The following RXFP1 variants were observed in gnomAD, a reference collection of about 807,000 sequenced individuals.
The protein encoded by RXFP1 is relaxin family peptide receptor 1.
In RXFP1, 73 loss-of-function variants were observed where a neutral mutation model predicts 89.8. That is an observed-to-expected ratio of 0.81 (90% CI 0.67 to 0.99). The LOEUF is 0.99. Among genes scored for constraint, RXFP1 ranks in the 50% least tolerant of loss-of-function variants. The probability of loss-of-function intolerance (pLI) is 0.00; values close to 1 mark genes in which losing one functional copy is unlikely to be tolerated. For missense variants in RXFP1, 793 were observed against 895.5 expected, an observed-to-expected ratio of 0.89 and a Z score of 1.46; for synonymous variants, 277 against 305.5, an observed-to-expected ratio of 0.91 and a Z score of 0.97.
chr4:158,618,420 A>G (rs1371558348), intron 9 of RXFP1, among the ~76,000 whole-genome samples: 1 of 152,108 alleles, frequency 6.6e-6, no homozygotes, highest in Non-Finnish European at 1.5e-5. Context: ...AATGATTAAG[A>G]TGTATTACTA....
intron 10 of RXFP1, 57 bp downstream of exon 10, chr4:158,626,948 A>T (rs12108317): frequency 0.16 from 147,954 of 930,088 alleles, 14,934 homozygotes; most frequent in African/African-American, 0.46. Context: ...AATAAAATTT[A>T]AAAACACCCA....
At chr4:158,644,350 A>T (rs1386265058) in intron 14 of RXFP1, among the ~76,000 whole-genome samples, 1 of 151,936 alleles carries the variant, frequency 6.6e-6, no homozygotes, top group Non-Finnish European at 1.5e-5. Flanking sequence ...CCAGCCTTGT[A>T]TGTCTTCTTT....
intron 1 of RXFP1, among the ~76,000 whole-genome samples, chr4:158,554,100 T>C (rs1443240444): frequency 2.0e-5 from 3 of 151,942 alleles, no homozygotes; most frequent in African/African-American, 7.3e-5. Context: ...CAAAAATGTC[T>C]CCAAACATTG....
chr4:158,527,564 A>AAAAAAAATAT (rs5741905), intron 1 of RXFP1, among the ~76,000 whole-genome samples: 1 of 98,328 alleles, frequency 1.0e-5, no homozygotes, highest in South Asian at 4.2e-4. Flanking sequence ...AAAAAAAAAA[A>AAAAAAAATAT]ATATATATAT....
chr4:158,524,219 G>A (rs1741894316), intron 1 of RXFP1, among the ~76,000 whole-genome samples: 1 of 152,162 alleles, frequency 6.6e-6, no homozygotes, highest in South Asian at 2.1e-4. Context: ...GCTAATAAAT[G>A]CCAAGATTGG....
chr4:158,650,058 T>C (rs1772354668), intron 17 of RXFP1, among the ~76,000 whole-genome samples: 2 of 152,340 alleles, frequency 1.3e-5, no homozygotes, highest in Non-Finnish European at 2.9e-5. Flanking sequence ...TATTTAGTCT[T>C]GTAAAGGAAG....
Position 158,576,587 on chromosome 4 carries a change from G to A in RXFP1, c.187+3752G>A, listed in dbSNP as rs565754607. ...CCTAAACCCAATGAGCAGAAAATCA[G>A]GAATGCATGCAAAATGGTAGCAACA... On this transcript the variant is annotated intron_variant, in intron 2 of 17. Transcript: ENST00000307765. 1.1e-4 allele frequency among the ~76,000 whole-genome samples: 16 copies of A among 152,116 alleles called. No individual in the cohort carries two copies. In the South Asian group the frequency reaches 2.9e-3, roughly 28 times the overall value.
At chr4:158,548,509 A>C (rs1026573758) in intron 1 of RXFP1, among the ~76,000 whole-genome samples, 2 of 152,036 alleles carry the variant, frequency 1.3e-5, no homozygotes, top group Admixed American at 6.5e-5. Flanking sequence ...TTAGCTGGTT[A>C]TTTTGCTCGT....
At chr4:158,609,426 C>T (rs1267185305) in intron 6 of RXFP1, among the ~76,000 whole-genome samples, 1 of 152,126 alleles carries the variant, frequency 6.6e-6, no homozygotes, top group Non-Finnish European at 1.5e-5. Context: ...AAGGCTTTCT[C>T]AATGTTCCGT....
chr4:158,579,115 T>C (rs1447698088), intron 2 of RXFP1, among the ~76,000 whole-genome samples: 1 of 150,876 alleles, frequency 6.6e-6, no homozygotes, highest in African/African-American at 2.4e-5. Context: ...ACTGGAGCGA[T>C]GCTGCCACAA....
chr4:158,590,984 T>G (rs1310695077), intron 2 of RXFP1, among the ~76,000 whole-genome samples: 1 of 152,128 alleles, frequency 6.6e-6, no homozygotes, highest in Admixed American at 6.5e-5. Context: ...GCTAATCATC[T>G]CTACATCCAT....
chr4:158,612,167 G>T lies in RXFP1; in HGVS notation c.574G>T (p.Gly192Cys), dbSNP rs772360385. Residue 192 changes from glycine (G) to cysteine (C), a missense_variant, in exon 7 of 18, where the codon GGT becomes TGT. Gly to Cys is a radical substitution (Grantham distance 159). Transcript: ENST00000307765. ...TAACAGAATAACCTTCCTGAAGCCG[G>T]GTGTTTTTGAAGATCTTCACAGACT... The part of the protein sequence containing the change: ...SHNRITFLKP[G>C]VFEDLHRLEW... The T allele has an allele frequency of 6.2e-7, 1 of 1,611,180 alleles. No individual in the cohort carries two copies. The highest frequency in any genetic ancestry group is 1.1e-5 in the South Asian group (1 of 89,990).
intron 1 of RXFP1, chr4:158,544,035 C>G (rs915265789): frequency 2.0e-6 from 2 of 985,008 alleles, no homozygotes; most frequent in South Asian, 9.4e-5. Flanking sequence ...CCCATGAGAT[C>G]GGATCAATTC....
At chr4:158,559,564 T>TA (rs1483629443) in intron 1 of RXFP1, among the ~76,000 whole-genome samples, 1 of 152,162 alleles carries the variant, frequency 6.6e-6, no homozygotes, top group Non-Finnish European at 1.5e-5. Flanking sequence ...AGATGTGATT[T>TA]AAAAAATTTT....
intron 1 of RXFP1, among the ~76,000 whole-genome samples, chr4:158,563,347 T>C (rs1310983844): frequency 6.6e-6 from 1 of 152,036 alleles, no homozygotes; most frequent in Non-Finnish European, 1.5e-5. Flanking sequence ...TAAAAAGAAG[T>C]AGAAGTGAAA....
rs901410877 is a variant in RXFP1, at chr4:158,647,122, C to T, written c.1677C>T (p.Thr559=). 2.5e-6 allele frequency: 4 copies of T among 1,613,758 alleles called. No individual in the cohort carries two copies. Among genetic ancestry groups the T allele is most frequent in the Non-Finnish European group, 2.5e-6 (3 of 1,179,856 alleles). Residue 559 remains threonine (T), a synonymous_variant, in exon 16 of 18, where the codon ACC becomes ACT. Coordinates refer to ENST00000307765, the MANE Select transcript of RXFP1 (RefSeq NM_021634.4). ...NKEFFKNYYG[T]NGVCFPLHSE... ...AATTTTTCAAAAACTACTATGGCAC[C>T]AATGGAGTATGCTTCCCTCTTCATT...
chr4:158,570,148 T>C (rs1037705391), intron 1 of RXFP1, among the ~76,000 whole-genome samples: 2 of 151,988 alleles, frequency 1.3e-5, no homozygotes, highest in African/African-American at 4.8e-5. Context: ...ATTTATCTAA[T>C]AGGATTAGAA....
intron 14 of RXFP1, among the ~76,000 whole-genome samples, chr4:158,644,297 C>T (rs1244048020): frequency 6.6e-6 from 1 of 152,164 alleles, no homozygotes; most frequent in Non-Finnish European, 1.5e-5. Context: ...CCACCCACCT[C>T]GGCCTCCCAA....
intron 1 of RXFP1, among the ~76,000 whole-genome samples, chr4:158,567,239 C>G (rs531553353): frequency 1.3e-5 from 2 of 152,184 alleles, no homozygotes; most frequent in African/African-American, 4.8e-5. Flanking sequence ...TGGCCCCCTG[C>G]TCCAGGGCAC....
Sources: allele counts gnomAD v4.1 joint callset (sites outside exome capture counted in the v4.1 genomes callset), GRCh38; gene constraint gnomAD v4.1.1; transcripts MANE v1.5; gene names NCBI Gene and HGNC (gene_info 2026-07-23, HGNC 2026-07-21).